The following NAALADL2 variants were observed in gnomAD, a reference collection of about 807,000 sequenced individuals.
The protein encoded by NAALADL2 is N-acetylated alpha-linked acidic dipeptidase like 2.
A neutral mutation model predicts 87.2 loss-of-function variants in NAALADL2; 76 were observed. The observed-to-expected ratio is 0.87, with a 90% CI of 0.72 to 1.05. NAALADL2 has a LOEUF of 1.05. Ranked by LOEUF, NAALADL2 falls within the 50% of genes least tolerant of loss-of-function variation. The pLI, the probability that NAALADL2 is intolerant of heterozygous loss-of-function variation, is 0.00. For synonymous variants in NAALADL2, 354 were observed against 331.0 expected (o/e 1.07, Z -0.75); for missense variants, 1,089 against 945.8 (o/e 1.15, Z -1.99).
At chr3:175,656,818 C>A (rs1560925676) in intron 11 of NAALADL2, among the ~76,000 whole-genome samples, 1 of 151,946 alleles carries the variant, frequency 6.6e-6, no homozygotes, top group South Asian at 2.1e-4. Flanking sequence ...AAATTATTCT[C>A]CTGAAAGCAA....
intron 3 of NAALADL2, among the ~76,000 whole-genome samples, chr3:174,783,448 A>C (rs1282352289): frequency 6.6e-6 from 1 of 152,136 alleles, no homozygotes; most frequent in Non-Finnish European, 1.5e-5. Context: ...GAATATTTAT[A>C]GTGAAATTCT....
intron 1 of NAALADL2, among the ~76,000 whole-genome samples, chr3:174,877,261 A>G (rs1560312475): frequency 6.6e-6 from 1 of 152,120 alleles, no homozygotes; most frequent in Admixed American, 6.6e-5. Context: ...ATCTATGTAG[A>G]TATCTATGCA....
intron 9 of NAALADL2, among the ~76,000 whole-genome samples, chr3:175,528,831 G>C (rs970340165): frequency 1.3e-5 from 2 of 152,168 alleles, no homozygotes; most frequent in South Asian, 4.1e-4. Flanking sequence ...TAGTACAAGA[G>C]TACACATGCA....
At chr3:175,197,571 C>T (rs751916107) in intron 2 of NAALADL2, among the ~76,000 whole-genome samples, 1 of 151,844 alleles carries the variant, frequency 6.6e-6, no homozygotes, top group Non-Finnish European at 1.5e-5. Context: ...TTGAGAACTT[C>T]GAGGCACAAG....
Position 175,809,536 on chromosome 3 carries a change from A to AGAAAAG in NAALADL2, c.*6333_*6334insGAAAAG. On this transcript the variant is annotated 3_prime_UTR_variant, in exon 14 of 14. Transcript: ENST00000454872. ...TAAAAAAAAAAAAAAAAAAAAAAAA[A>AGAAAAG]AAAGAAAAGAAAAAGTAGCTAGGCA... 6.7e-6 allele frequency: 1 copy of AGAAAAG among 149,004 alleles called. No homozygotes were observed. The highest frequency in any genetic ancestry group is 1.5e-5 in the Non-Finnish European group (1 of 67,282). 9.2% of individuals were successfully genotyped at this position (149,004 alleles called of 1,614,324 possible).
intron 11 of NAALADL2, among the ~76,000 whole-genome samples, chr3:175,707,475 C>T (rs6783819): frequency 0.27 from 40,366 of 151,968 alleles, 7,288 homozygotes; most frequent in African/African-American, 0.51. Flanking sequence ...TCTAGACAGT[C>T]ACCTTTCTCA....
chr3:175,275,167 G>C (rs1003890170), intron 4 of NAALADL2, among the ~76,000 whole-genome samples: 8 of 152,044 alleles, frequency 5.3e-5, no homozygotes, highest in African/African-American at 1.9e-4. Context: ...ATGGGGGGTA[G>C]AAATAAAATG....
chr3:174,555,326 TCTCA>T (rs903767127), intron 2 of NAALADL2, among the ~76,000 whole-genome samples: 2 of 151,912 alleles, frequency 1.3e-5, no homozygotes, highest in African/African-American at 4.8e-5. Flanking sequence ...TTTGAGAGAG[TCTCA>T]CTCTTGTCGC....
At chr3:174,937,248 TA>T (rs1257188473) in intron 1 of NAALADL2, among the ~76,000 whole-genome samples, 1 of 152,012 alleles carries the variant, frequency 6.6e-6, no homozygotes, top group Non-Finnish European at 1.5e-5. Context: ...CTCTAGGAAA[TA>T]CAGAAGAAAG....
rs751244956 is a variant in NAALADL2 at position 175,467,175 on chromosome 3, A to G, written c.1524A>G (p.Glu508=). 7 of 1,613,190 alleles carry G rather than the reference A, an allele frequency of 4.3e-6. No individual in the cohort carries two copies. In the Admixed American group the frequency reaches 5.0e-5, roughly 12 times the overall value. The change falls in exon 8 of 14, where the codon GAA becomes GAG. Residue 508 remains glutamate (E), a synonymous_variant. Coordinates refer to ENST00000454872, the MANE Select transcript of NAALADL2 (RefSeq NM_207015.3). ...CTTTTGGCAATATTGGCTCATATGAATGGGGAGAGGTAAAGCAAAATATAC... is the reference window on the plus strand; with the variant it reads ...CTTTTGGCAATATTGGCTCATATGAGTGGGGAGAGGTAAAGCAAAATATAC... ...GTAFGNIGSY[E]WGEDFKKVLQ... is the part of the protein sequence containing the mutation.
intron 2 of NAALADL2, among the ~76,000 whole-genome samples, chr3:174,730,963 G>A (rs1424424964): frequency 1.3e-5 from 2 of 152,022 alleles, no homozygotes; most frequent in Non-Finnish European, 2.9e-5. Flanking sequence ...TAATTATTTT[G>A]TGAAAATTGT....
At chr3:175,626,296 A>G (rs1726972394) in intron 10 of NAALADL2, among the ~76,000 whole-genome samples, 2 of 152,122 alleles carry the variant, frequency 1.3e-5, no homozygotes, top group East Asian at 3.9e-4. Flanking sequence ...TTTTTAATAC[A>G]AATACTCTTC....
chr3:175,321,140 G>A (rs1234799894), intron 4 of NAALADL2, among the ~76,000 whole-genome samples: 5 of 146,954 alleles, frequency 3.4e-5, no homozygotes, highest in Middle Eastern at 3.5e-3. Flanking sequence ...TATCCACCAT[G>A]ATCAAGTGGG....
At chr3:174,518,781 A>G (rs1028294376) in intron 1 of NAALADL2, among the ~76,000 whole-genome samples, 6 of 152,210 alleles carry the variant, frequency 3.9e-5, no homozygotes, top group Non-Finnish European at 7.3e-5. Context: ...TAGGTAAACC[A>G]TTAAAAAGTT....
Position 175,153,544 on chromosome 3 carries a change from T to C in NAALADL2, c.545+56253T>C, listed in dbSNP as rs144068929. Among the ~76,000 whole-genome samples the C allele has an allele frequency of 3.9e-5, 6 of 152,340 alleles. No individual in the cohort carries two copies. The East Asian group carries it at 1.2e-3, about 29-fold the overall frequency. ...TGTAGGGACACTGGGCCAGCACTGA[T>C]CTAACTTTTCCCACATTATAAACCC... On this transcript the variant is annotated intron_variant, in intron 2 of 13. Transcript: ENST00000454872.
intron 1 of NAALADL2, among the ~76,000 whole-genome samples, chr3:175,023,446 C>T (rs936658241): frequency 6.6e-6 from 1 of 151,656 alleles, no homozygotes; most frequent in Admixed American, 6.6e-5. Flanking sequence ...ATTATTTTTT[C>T]GATTGAGAAA....
intron 1 of NAALADL2, among the ~76,000 whole-genome samples, chr3:174,875,211 A>AT (rs1728353778): frequency 6.6e-6 from 1 of 151,402 alleles, no homozygotes; most frequent in African/African-American, 2.4e-5. Context: ...AGTTCATGTT[A>AT]TCAACCTCTC....
At chr3:174,831,537 A>C (rs1019856663) in intron 3 of NAALADL2, among the ~76,000 whole-genome samples, 10 of 147,996 alleles carry the variant, frequency 6.8e-5, no homozygotes, top group African/African-American at 2.5e-4. Context: ...TTTTTGCATC[A>C]ATGTTCATCA....
chr3:174,927,337 T>C (rs1017876892), intron 1 of NAALADL2, among the ~76,000 whole-genome samples: 8 of 152,162 alleles, frequency 5.3e-5, no homozygotes, highest in African/African-American at 1.9e-4. Context: ...GAAATTGAAC[T>C]CAGCTCTGCA....
Sources: allele counts gnomAD v4.1 joint callset (sites outside exome capture counted in the v4.1 genomes callset), GRCh38; gene constraint gnomAD v4.1.1; transcripts MANE v1.5; gene names NCBI Gene and HGNC (gene_info 2026-07-23, HGNC 2026-07-21).